Variants in BPTF observed in about 807,000 individuals in gnomAD.
BPTF encodes the protein nucleosome-remodeling factor subunit BPTF.
Under a neutral mutation model 292.5 loss-of-function variants are expected in BPTF, and 18 were observed. The observed-to-expected ratio is 0.06, with a 90% CI of 0.04 to 0.09. The LOEUF (loss-of-function observed/expected upper bound fraction) is 0.09, where lower values mean the gene tolerates loss of function less well. BPTF is among the 10% of genes least tolerant of loss of function. The probability of loss-of-function intolerance (pLI) is 1.00; values close to 1 mark genes in which losing one functional copy is unlikely to be tolerated. For missense variants in BPTF, 2,726 were observed against 3,498.7 expected, an observed-to-expected ratio of 0.78 and a Z score of 5.57; for synonymous variants, 1,225 against 1,251.9, an observed-to-expected ratio of 0.98 and a Z score of 0.45.
At chr17:67,902,078 G>T (rs192451784) in intron 7 of BPTF, among the ~76,000 whole-genome samples, 1 of 152,310 alleles carries the variant, frequency 6.6e-6, no homozygotes, top group Non-Finnish European at 1.5e-5. Flanking sequence ...GCTACTCTGG[G>T]ATAGGTAGCA....
rs782016383 is a variant in BPTF at position 67,945,539 on chromosome 17, TCAGCCCCAGCCCCAAACC to T, written c.6841_6858del (p.Pro2281_Gln2286del). The T allele has an allele frequency of 1.1e-5, 17 of 1,613,100 alleles. No homozygotes were observed. The South Asian group carries it at 1.6e-4, about 16-fold the overall frequency. ...AGCCACAGACTGCTCAGCCTTCAGC[TCAGCCCCAGCCCCAAACC>T]CAGCCCCAGTCCCCAGCTCAGCCTG... On this transcript the variant is annotated inframe_deletion, in exon 21 of 28. Coordinates refer to ENST00000306378, the MANE Select transcript of BPTF (RefSeq NM_182641.4).
At chr17:67,975,733 T>G in intron 26 of BPTF, 39 bp from the exon 27 acceptor site, 1 of 1,558,822 alleles carries the variant, frequency 6.4e-7, no homozygotes, top group South Asian at 1.2e-5. Context: ...TGGAAAAACC[T>G]TAAAGCTCTG....
At chr17:67,829,866 A>T (rs1264980722) in intron 1 of BPTF, among the ~76,000 whole-genome samples, 3 of 152,226 alleles carry the variant, frequency 2.0e-5, no homozygotes, top group Admixed American at 6.5e-5. Context: ...ATAACTCAGT[A>T]TTTTGTAGGT....
chr17:67,971,860 A>T (rs1244759352), intron 26 of BPTF, among the ~76,000 whole-genome samples: 1 of 151,620 alleles, frequency 6.6e-6, no homozygotes, highest in Non-Finnish European at 1.5e-5. Context: ...GAAAAAAATT[A>T]CACGTTAGCA....
At chr17:67,953,733 G>A (rs1187151355) in intron 23 of BPTF, among the ~76,000 whole-genome samples, 2 of 150,834 alleles carry the variant, frequency 1.3e-5, no homozygotes, top group African/African-American at 4.9e-5. Context: ...GCACCACCAT[G>A]CCCAGCTAAT....
chr17:67,866,937 T>G (rs2059423111), intron 3 of BPTF, among the ~76,000 whole-genome samples: 1 of 152,244 alleles, frequency 6.6e-6, no homozygotes, highest in Non-Finnish European at 1.5e-5. Context: ...TGCAAACCTG[T>G]ACGTCATGTG....
chr17:67,838,278 G>A (rs571060621), intron 1 of BPTF, among the ~76,000 whole-genome samples: 1 of 152,334 alleles, frequency 6.6e-6, no homozygotes, highest in East Asian at 1.9e-4. Context: ...ACATTCATTA[G>A]TCTGTGATTT....
chr17:67,971,027 C>T (rs1159817632), intron 26 of BPTF, among the ~76,000 whole-genome samples: 1 of 151,812 alleles, frequency 6.6e-6, no homozygotes, highest in Non-Finnish European at 1.5e-5. Flanking sequence ...CATCCTCGTC[C>T]TCCCAGGTAC....
Position 67,854,808 on chromosome 17 carries a change from C to A in BPTF, c.1436+46C>A. The A allele has an allele frequency of 7.1e-7, 1 of 1,403,416 alleles. No homozygotes were observed. Among genetic ancestry groups the A allele is most frequent in the Non-Finnish European group, 9.9e-7 (1 of 1,009,662 alleles). The allele number at this position is 1,403,416 out of a possible 1,614,324, so 86.9% of individuals were successfully genotyped here. ...TTTTTTGTATGCATTTAAAATTAGA[C>A]TAGTTTCCTTCGTGATTGATGTAGC... On this transcript the variant is annotated intron_variant, in intron 2 of 27. Coordinates refer to ENST00000306378, the MANE Select transcript of BPTF (RefSeq NM_182641.4). This position sits in a 1 kb window ranked among gnomAD's most constrained non-coding sequence, Gnocchi z 5.6.
intron 23 of BPTF, among the ~76,000 whole-genome samples, chr17:67,959,287 A>G (rs1230511650): frequency 6.6e-6 from 1 of 152,240 alleles, no homozygotes; most frequent in Non-Finnish European, 1.5e-5. Flanking sequence ...CACTTGGCTC[A>G]TCTTTCAGTC....
At chr17:67,921,718 T>C (rs922396841) in intron 13 of BPTF, among the ~76,000 whole-genome samples, 2 of 151,992 alleles carry the variant, frequency 1.3e-5, no homozygotes, top group African/African-American at 4.8e-5. Context: ...CTGTTCCTAG[T>C]AGATGATAAA....
At chr17:67,831,269 AG>A (rs2056648684) in intron 1 of BPTF, among the ~76,000 whole-genome samples, 1 of 152,192 alleles carries the variant, frequency 6.6e-6, no homozygotes, top group African/African-American at 2.4e-5. Context: ...TGCCTCCCTA[AG>A]AATGGTAGCA....
chr17:67,950,503 A>G (rs1193465956), intron 23 of BPTF, among the ~76,000 whole-genome samples: 1 of 152,094 alleles, frequency 6.6e-6, no homozygotes, highest in African/African-American at 2.4e-5. Flanking sequence ...TATGTGTGGT[A>G]TGATTATTAC....
Position 67,911,177 on chromosome 17 carries a change from C to T in BPTF, c.3293C>T (p.Ser1098Phe), listed in dbSNP as rs114086141. The T allele has an allele frequency of 2.5e-3, 3,968 of 1,613,628 alleles. 51 individuals carry two copies. Among genetic ancestry groups the T allele is most frequent in the African/African-American group, 0.021 (1,595 of 74,988 alleles). Residue 1098 changes from serine (S) to phenylalanine (F), a missense_variant, in exon 11 of 28, where the codon TCT (serine) becomes TTT (phenylalanine). Coordinates refer to ENST00000306378, the MANE Select transcript of BPTF (RefSeq NM_182641.4). The part of the protein sequence containing the change: ...IKGIGKTSTN[S>F]SKNLSESPVI... ...GGTATAGGAAAGACTTCTACAAATT[C>T]TTCAAAAAATCTCTCTGAATCACCA...
At chr17:67,964,856 G>A (rs1330605911) in intron 25 of BPTF, among the ~76,000 whole-genome samples, 3 of 151,612 alleles carry the variant, frequency 2.0e-5, no homozygotes, top group Non-Finnish European at 4.4e-5. Context: ...AAAATTAGCT[G>A]GGCGTGGTGG....
chr17:67,827,140 C>T (rs1477029852), intron 1 of BPTF, among the ~76,000 whole-genome samples: 1 of 152,206 alleles, frequency 6.6e-6, no homozygotes, highest in Non-Finnish European at 1.5e-5. Flanking sequence ...ATCGCTTTGC[C>T]TTGCTTGGGA....
At chr17:67,979,879 AAAAT>A (rs1399179884) in intron 27 of BPTF, among the ~76,000 whole-genome samples, 1 of 151,610 alleles carries the variant, frequency 6.6e-6, no homozygotes, top group African/African-American at 2.4e-5. Context: ...CGTCTACACT[AAAAT>A]AAAAAAATTA....
At chr17:67,872,915 C>T (rs1275260235) in intron 3 of BPTF, among the ~76,000 whole-genome samples, 1 of 151,870 alleles carries the variant, frequency 6.6e-6, no homozygotes, top group Non-Finnish European at 1.5e-5. Context: ...GACTCCATCT[C>T]TATTTTAAAA....
chr17:67,927,441 G>C (rs1247267351), intron 15 of BPTF, among the ~76,000 whole-genome samples: 1 of 152,116 alleles, frequency 6.6e-6, no homozygotes, highest in Non-Finnish European at 1.5e-5. Context: ...ATAGTATAAA[G>C]TATTTTTCTG....
Sources: gnomAD v4.1 joint callset for allele counts (sites outside exome capture counted in the v4.1 genomes callset) on GRCh38, gnomAD v4.1.1 for gene constraint, Gnocchi (gnomAD v3.1) non-coding constraint, MANE v1.5 for transcripts, NCBI Gene and HGNC (gene_info 2026-07-23, HGNC 2026-07-21) for gene names.